Variants in DISC1 observed in about 807,000 individuals in gnomAD.
DISC1 encodes DISC1 scaffold protein, also known as disrupted in schizophrenia 1 protein.
DISC1 carries 57 observed loss-of-function variants against 84.5 expected under a neutral mutation model. That is an observed-to-expected ratio of 0.67 (90% CI 0.55 to 0.84). DISC1 has a LOEUF of 0.84. DISC1 is among the 40% of genes least tolerant of loss of function. DISC1 has a pLI of 0.00. For missense variants in DISC1, 1,000 were observed against 1,057.8 expected (o/e 0.95, Z 0.76); for synonymous variants, 411 against 415.2 (o/e 0.99, Z 0.12).
At chr1:231,638,681 T>A (rs2059385093) in intron 1 of DISC1, among the ~76,000 whole-genome samples, 1 of 152,210 alleles carries the variant, frequency 6.6e-6, no homozygotes, top group Non-Finnish European at 1.5e-5. Flanking sequence ...CTGGGTTTTT[T>A]ATTCTGTTTC....
At chr1:231,895,329 CATAA>C (rs965845691) in intron 9 of DISC1, among the ~76,000 whole-genome samples, 9 of 151,460 alleles carry the variant, frequency 5.9e-5, no homozygotes, top group Non-Finnish European at 1.3e-4. Flanking sequence ...TATAAAGCCT[CATAA>C]ATATTTTATA....
chr1:231,834,176 T>G (rs914155704), intron 9 of DISC1, among the ~76,000 whole-genome samples: 1 of 152,200 alleles, frequency 6.6e-6, no homozygotes, highest in South Asian at 2.1e-4. Flanking sequence ...GGGCTAGTCA[T>G]GGAACGAAAC....
chr1:231,931,764 T>C (rs2090674154), intron 9 of DISC1, among the ~76,000 whole-genome samples: 1 of 151,864 alleles, frequency 6.6e-6, no homozygotes, highest in East Asian at 1.9e-4. Flanking sequence ...TCCTCCTGCC[T>C]CAGCTTCCTG....
At chr1:231,760,237 CT>C (rs1451090553) in intron 4 of DISC1, among the ~76,000 whole-genome samples, 1 of 152,184 alleles carries the variant, frequency 6.6e-6, no homozygotes, top group Non-Finnish European at 1.5e-5. Flanking sequence ...TTACAACATT[CT>C]TTTGTGCTCT....
chr1:231,709,555 G>A (rs949100104), intron 3 of DISC1, among the ~76,000 whole-genome samples: 3 of 151,986 alleles, frequency 2.0e-5, no homozygotes, highest in Admixed American at 6.6e-5. Context: ...CTGCCTATGA[G>A]GACATCAGTC....
intron 9 of DISC1, among the ~76,000 whole-genome samples, chr1:231,832,297 G>A (rs574015199): frequency 0.29 from 42,707 of 148,796 alleles, 5,059 homozygotes; most frequent in Admixed American, 0.34. Flanking sequence ...GCCGCTGCAC[G>A]CAGACATGAG....
At chr1:231,812,219 C>A (rs2080376213) in intron 8 of DISC1, among the ~76,000 whole-genome samples, 1 of 152,076 alleles carries the variant, frequency 6.6e-6, no homozygotes, top group Non-Finnish European at 1.5e-5. Context: ...CCATGCCTGG[C>A]TAATTTTTTA....
chr1:231,762,218 C>A (rs1278974402), intron 4 of DISC1, among the ~76,000 whole-genome samples: 9,918 of 76,838 alleles, frequency 0.13, 597 homozygotes, highest in East Asian at 0.43. Flanking sequence ...CTTTTCTCTT[C>A]TTTTCTTTTC....
At chr1:231,869,037 G>A (rs933612362) in intron 9 of DISC1, among the ~76,000 whole-genome samples, 4 of 152,100 alleles carry the variant, frequency 2.6e-5, no homozygotes, top group Admixed American at 2.0e-4. Flanking sequence ...AAGAAGCCAC[G>A]TTGCTGGACC....
intron 9 of DISC1, among the ~76,000 whole-genome samples, chr1:231,920,222 A>G (rs372291964): frequency 1.3e-5 from 2 of 152,228 alleles, no homozygotes; most frequent in East Asian, 1.9e-4. Context: ...CAGATAAACC[A>G]TACAAATTGT....
chr1:231,971,993 C>T lies in DISC1; in HGVS notation c.2042+13105C>T, dbSNP rs57716610. Among the ~76,000 whole-genome samples, 4 of 152,308 alleles carry T rather than the reference C, an allele frequency of 2.6e-5. No homozygotes were observed. The East Asian group carries it at 7.7e-4, about 29-fold the overall frequency. ...TGACTGAGTTATTTCCTTTATTATT[C>T]TGTAAATGGGAAAATAACGAACATG... On this transcript the variant is annotated intron_variant, in intron 10 of 12. Coordinates refer to ENST00000439617, the MANE Select transcript of DISC1 (RefSeq NM_018662.3).
At chr1:231,861,595 C>A (rs2084655763) in intron 9 of DISC1, among the ~76,000 whole-genome samples, 1 of 151,724 alleles carries the variant, frequency 6.6e-6, no homozygotes. Flanking sequence ...ACTACAGTAG[C>A]CACTATATCT....
At chr1:231,881,728 CTCAT>C (rs1213797656) in intron 9 of DISC1, among the ~76,000 whole-genome samples, 1 of 151,770 alleles carries the variant, frequency 6.6e-6, no homozygotes, top group Non-Finnish European at 1.5e-5. Context: ...CATTTCGTGT[CTCAT>C]TCTGGAAACT....
chr1:231,774,916 T>C, intron 6 of DISC1: 1 of 370,188 alleles, frequency 2.7e-6, no homozygotes, highest in Non-Finnish European at 5.4e-6. Context: ...TAGAAAATGC[T>C]GACTTAGGGA....
At chr1:231,962,011 TC>T (rs1660454453) in intron 10 of DISC1, among the ~76,000 whole-genome samples, 2 of 152,346 alleles carry the variant, frequency 1.3e-5, no homozygotes, top group Admixed American at 1.3e-4. Context: ...GTATAAGTGT[TC>T]CCTTTTCTTC....
At chr1:231,723,085 G>A (rs1316125058) in intron 3 of DISC1, 1 of 1,007,772 alleles carries the variant, frequency 9.9e-7, no homozygotes, top group Non-Finnish European at 1.2e-6. Context: ...ATTAATTCCA[G>A]GACGCCTGTG....
chr1:231,723,327 A>C (rs949530841), intron 3 of DISC1: 9 of 985,918 alleles, frequency 9.1e-6, no homozygotes, highest in Non-Finnish European at 1.1e-5. Flanking sequence ...CAGGCAGAAC[A>C]TCTGGGCAGG....
In DISC1 at chr1:231,737,754, A is replaced by G. The variant is rs114581210; in HGVS notation, c.1118-12172A>G. 4.1e-3 allele frequency among the ~76,000 whole-genome samples: 631 copies of G among 152,360 alleles called. 4 individuals carry two copies. The highest frequency in any genetic ancestry group is 0.014 in the African/African-American group (603 of 41,590). On this transcript the variant is annotated intron_variant, in intron 3 of 12. Transcript: ENST00000439617. Reference sequence around the variant, plus strand: ...CACAAGTATGCTACAAAGAGCTCACATATCTCCCTCGTTCTCATGCCTGAG... The same window carrying G: ...CACAAGTATGCTACAAAGAGCTCACGTATCTCCCTCGTTCTCATGCCTGAG...
chr1:232,028,713 G>C (rs1055239771), intron 12 of DISC1, among the ~76,000 whole-genome samples: 3 of 152,154 alleles, frequency 2.0e-5, no homozygotes, highest in African/African-American at 4.8e-5. Context: ...TGTTATCCAA[G>C]TCCATTTGTC....
Sources: gnomAD v4.1 joint callset for allele counts (sites outside exome capture counted in the v4.1 genomes callset) on GRCh38, gnomAD v4.1.1 for gene constraint, MANE v1.5 for transcripts, NCBI Gene and HGNC (gene_info 2026-07-23, HGNC 2026-07-21) for gene names.